Variants in PAK3 observed in about 807,000 individuals in gnomAD.
The protein encoded by PAK3 is p21 (RAC1) activated kinase 3, also known as serine/threonine-protein kinase PAK 3.
PAK3 carries 4 observed loss-of-function variants against 41.0 expected under a neutral mutation model. That is an observed-to-expected ratio of 0.10 (90% confidence interval 0.05 to 0.22). The LOEUF (loss-of-function observed/expected upper bound fraction) is 0.22, where lower values mean the gene tolerates loss of function less well. PAK3 is among the 10% of genes least tolerant of loss of function. The pLI is 1.00. For synonymous variants in PAK3, 146 were observed against 139.6 expected, an observed-to-expected ratio of 1.05 and a Z score of -0.32; for missense variants, 205 against 409.9, an observed-to-expected ratio of 0.50 and a Z score of 4.32.
At chrX:111,110,735 T>G (rs1603245575) in intron 4 of PAK3, among the ~76,000 whole-genome samples, 1 of 111,944 alleles carries the variant, frequency 8.9e-6, no homozygotes, top group East Asian at 2.8e-4. Context: ...CTGGGAATTC[T>G]TAAAACATAC....
At chrX:110,957,859 ATAT>A (rs1256033295) in intron 1 of PAK3, among the ~76,000 whole-genome samples, 4 of 112,065 alleles carry the variant, frequency 3.6e-5, no homozygotes, top group Non-Finnish European at 5.6e-5. Flanking sequence ...GACATTCGGA[ATAT>A]TATTATAAGC....
chrX:111,067,179 T>C (rs1392924297), intron 1 of PAK3, among the ~76,000 whole-genome samples: 1 of 111,943 alleles, frequency 8.9e-6, no homozygotes, highest in African/African-American at 3.2e-5. Flanking sequence ...CCTTATTGCA[T>C]TGGTTAGGAC....
intron 1 of PAK3, chrX:111,013,967 T>C (rs1162384608): frequency 8.9e-6 from 1 of 111,979 alleles, no homozygotes; most frequent in Admixed American, 9.4e-5. Context: ...TCTTTGAAGA[T>C]GTGATTCCTT....
At position 111,220,766 on chromosome X, in the gene PAK3, A is replaced by G. The variant is rs1334643496; in HGVS notation, c.*319A>G. On this transcript the variant is annotated 3_prime_UTR_variant, in exon 18 of 18. Coordinates refer to ENST00000372007, the MANE Select transcript of PAK3 (RefSeq NM_002578.5). Reference sequence around the variant, plus strand: ...AGAAAAAGGTTTCTCAAAGATGCACACTCCCTCTTCATAGTGTTGTGTTTG... The same window carrying G: ...AGAAAAAGGTTTCTCAAAGATGCACGCTCCCTCTTCATAGTGTTGTGTTTG... 1.1e-5 allele frequency: 3 copies of G among 271,650 alleles called. No individual in the cohort carries two copies. The highest frequency in any genetic ancestry group is 2.0e-5 in the Non-Finnish European group (3 of 153,456). The allele number at this position is 271,650 out of a possible 1,213,427, so 22.4% of individuals were successfully genotyped here. A position where few individuals can be genotyped will look rare whatever the true frequency, so the allele number is the denominator to read the frequency against.
intron 1 of PAK3, among the ~76,000 whole-genome samples, chrX:111,068,105 C>T (rs1430483684): frequency 1.8e-5 from 2 of 110,388 alleles, no homozygotes; most frequent in Admixed American, 9.6e-5. Flanking sequence ...ACCTTGGTAC[C>T]TATATTTGTG....
intron 1 of PAK3, among the ~76,000 whole-genome samples, chrX:110,983,819 A>C (rs1226700217): frequency 9.0e-6 from 1 of 111,127 alleles, no homozygotes; most frequent in Non-Finnish European, 1.9e-5. Flanking sequence ...TTTTCTGCAA[A>C]TACATTCCTC....
intron 14 of PAK3, 100 bp from the exon 15 acceptor site, chrX:111,195,742 A>G: frequency 3.6e-6 from 2 of 554,928 alleles, no homozygotes; most frequent in Non-Finnish European, 6.2e-6. Flanking sequence ...TTCACTTGAC[A>G]ATATAAAGTT....
At chrX:111,138,909 A>G (rs145188050) in intron 5 of PAK3, among the ~76,000 whole-genome samples, 1,718 of 110,789 alleles carry the variant, frequency 0.016, 31 homozygotes, top group African/African-American at 0.053. Context: ...CGGAGTTTGT[A>G]GTAAGCAGAG....
At chrX:111,045,972 C>T (rs1450341007) in intron 1 of PAK3, among the ~76,000 whole-genome samples, 1 of 111,682 alleles carries the variant, frequency 9.0e-6, no homozygotes, top group Non-Finnish European at 1.9e-5. Context: ...TTCCAGGTAA[C>T]CTAGCCTTCT....
chrX:111,190,521 G>T (rs1327719308), intron 11 of PAK3, among the ~76,000 whole-genome samples: 1 of 111,623 alleles, frequency 9.0e-6, no homozygotes, highest in Non-Finnish European at 1.9e-5. Context: ...CCATGTGAGG[G>T]GACTGAAACT....
intron 4 of PAK3, among the ~76,000 whole-genome samples, chrX:111,121,909 C>T (rs898019176): frequency 9.0e-6 from 1 of 110,554 alleles, no homozygotes; most frequent in Non-Finnish European, 1.9e-5. Context: ...ACTTTATCCT[C>T]CCAGGGGAAT....
intron 1 of PAK3, among the ~76,000 whole-genome samples, chrX:111,065,589 AG>A: frequency 9.0e-6 from 1 of 110,538 alleles, no homozygotes; most frequent in Middle Eastern, 4.7e-3. Context: ...ATTAGGGAGG[AG>A]CCCCTCCTCT....
At chrX:111,054,154 A>G (rs765477871) in intron 1 of PAK3, among the ~76,000 whole-genome samples, 29 of 112,133 alleles carry the variant, frequency 2.6e-4, no homozygotes, top group Non-Finnish European at 4.7e-4. Context: ...TTCCCACAAG[A>G]CAATCAGCCC....
chrX:111,138,538 G>A (rs2093825061), intron 5 of PAK3, among the ~76,000 whole-genome samples: 1 of 111,341 alleles, frequency 9.0e-6, no homozygotes, highest in Non-Finnish European at 1.9e-5. Flanking sequence ...CTTGCCAAAA[G>A]TGAAAAAGCC....
chrX:111,199,462 G>T lies in PAK3; in HGVS notation c.1407+2822G>T, dbSNP rs981262664. Among the ~76,000 whole-genome samples the T allele has an allele frequency of 3.6e-5, 4 of 111,142 alleles. No homozygotes were observed. The Admixed American group carries it at 3.8e-4, about 11-fold the overall frequency. ...ATGTAGCTTTTTTTTTAAGTGAGAT[G>T]TGGGGAGAAAGTACTTTTATTACAT... On this transcript the variant is annotated intron_variant, in intron 16 of 17. Coordinates refer to ENST00000372007, the MANE Select transcript of PAK3 (RefSeq NM_002578.5).
chrX:110,987,884 C>T (rs2091575361), intron 1 of PAK3, among the ~76,000 whole-genome samples: 1 of 110,965 alleles, frequency 9.0e-6, no homozygotes, highest in Non-Finnish European at 1.9e-5. Flanking sequence ...AAATCACAGC[C>T]CTGCTCCTTC....
intron 1 of PAK3, among the ~76,000 whole-genome samples, chrX:110,948,404 A>G (rs775207184): frequency 8.9e-6 from 1 of 111,795 alleles, no homozygotes; most frequent in East Asian, 2.8e-4. Context: ...AGTAGCCCCA[A>G]CACCCAACCT....
upstream of PAK3, among the ~76,000 whole-genome samples, chrX:111,092,980 T>C (rs1012048673): frequency 8.9e-6 from 1 of 111,948 alleles, no homozygotes; most frequent in Non-Finnish European, 1.9e-5. Flanking sequence ...CAATTGTATA[T>C]GAGAGTGAGC....
chrX:111,189,427 T>G (rs372871452), intron 11 of PAK3, among the ~76,000 whole-genome samples: 2 of 112,146 alleles, frequency 1.8e-5, no homozygotes, highest in African/African-American at 6.5e-5. Context: ...TATTTTCTTT[T>G]GGATACATAC....
Sources: allele counts gnomAD v4.1 joint callset (sites outside exome capture counted in the v4.1 genomes callset), GRCh38; gene constraint gnomAD v4.1.1; transcripts MANE v1.5; gene names NCBI Gene and HGNC (gene_info 2026-07-23, HGNC 2026-07-21).